Variants in SETBP1 observed in about 807,000 individuals in gnomAD.
SETBP1 encodes the protein SET-binding protein.
Under a neutral mutation model 101.0 loss-of-function variants are expected in SETBP1, and 9 were observed. That is an observed-to-expected ratio of 0.09 (90% CI 0.05 to 0.16). The LOEUF (loss-of-function observed/expected upper bound fraction) is 0.16. SETBP1 is among the 10% of genes least tolerant of loss of function. The pLI is 1.00. For missense variants in SETBP1, 1,858 were observed against 2,033.8 expected (o/e 0.91, Z 1.66); for synonymous variants, 818 against 788.5 (o/e 1.04, Z -0.63).
chr18:44,709,789 A>G (rs1167758902), intron 2 of SETBP1, among the ~76,000 whole-genome samples: 3 of 137,638 alleles, frequency 2.2e-5, no homozygotes, highest in East Asian at 4.3e-4. Flanking sequence ...AGAAACTTCT[A>G]TTAGTTGAGC....
At chr18:44,747,606 CTCTG>C (rs1243504184) in intron 2 of SETBP1, among the ~76,000 whole-genome samples, 1 of 152,208 alleles carries the variant, frequency 6.6e-6, no homozygotes, top group Non-Finnish European at 1.5e-5. Flanking sequence ...ACGCTGATGC[CTCTG>C]TCTGTTTCCT....
chr18:44,856,274 G>A (rs2072975551), intron 2 of SETBP1, among the ~76,000 whole-genome samples: 2 of 152,294 alleles, frequency 1.3e-5, no homozygotes, highest in Non-Finnish European at 1.5e-5. Context: ...CTCAAGCTGA[G>A]CTCCCATCTG....
rs557785068 is a variant in SETBP1 at position 45,002,857 on chromosome 18, A to G, written c.4001-35628A>G. ...AATGTAATCTGAGAAGGGACAGTGTAGACTTGGCTAAAAATGGAAACAGTG... is the reference window on the plus strand; with the variant it reads ...AATGTAATCTGAGAAGGGACAGTGTGGACTTGGCTAAAAATGGAAACAGTG... On this transcript the variant is annotated intron_variant, in intron 4 of 5. Coordinates refer to ENST00000649279, the MANE Select transcript of SETBP1 (RefSeq NM_015559.3). Among the ~76,000 whole-genome samples the G allele has an allele frequency of 5.9e-5, 9 of 152,348 alleles. 1 individual carries two copies. In the South Asian group the frequency reaches 1.9e-3, roughly 32 times the overall value.
In SETBP1 at chr18:45,048,643, C is replaced by T. The variant is rs571416285; in HGVS notation, c.4171+9988C>T. 3.3e-5 allele frequency among the ~76,000 whole-genome samples: 5 copies of T among 152,056 alleles called. No individual in the cohort carries two copies. In the East Asian group the frequency reaches 9.7e-4, roughly 29 times the overall value. ...TCAACCTTTTTTTTTTAAGAACTTG[C>T]CACACTGCACTCAATTCTATGAATG... is the stretch of plus-strand genomic sequence containing the variant. On this transcript the variant is annotated intron_variant, in intron 5 of 5. Coordinates refer to ENST00000649279, the MANE Select transcript of SETBP1 (RefSeq NM_015559.3).
At chr18:44,700,451 T>C (rs2144188753) in intron 1 of SETBP1, among the ~76,000 whole-genome samples, 1 of 152,300 alleles carries the variant, frequency 6.6e-6, no homozygotes, top group Non-Finnish European at 1.5e-5. Flanking sequence ...TAATTGATAA[T>C]GATTAAATTT....
At chr18:45,001,836 C>T (rs983001947) in intron 4 of SETBP1, among the ~76,000 whole-genome samples, 4 of 152,100 alleles carry the variant, frequency 2.6e-5, no homozygotes, top group East Asian at 1.9e-4. Flanking sequence ...CCTTCATGCT[C>T]GGTTAACTCA....
At chr18:44,869,493 C>T (rs958751695) in intron 3 of SETBP1, 8 of 594,920 alleles carry the variant, frequency 1.3e-5, no homozygotes, top group Admixed American at 1.1e-4. Flanking sequence ...TCTGCTCTTT[C>T]GTTCCTAATA....
chr18:44,837,642 C>G (rs1051299275), intron 2 of SETBP1, among the ~76,000 whole-genome samples: 1 of 152,124 alleles, frequency 6.6e-6, no homozygotes, highest in African/African-American at 2.4e-5. Flanking sequence ...GCCTAAGAGG[C>G]GATGCGGTCC....
At chr18:44,916,962 G>A (rs1302503649) in intron 3 of SETBP1, among the ~76,000 whole-genome samples, 1 of 152,224 alleles carries the variant, frequency 6.6e-6, no homozygotes, top group Admixed American at 6.5e-5. Context: ...CCGCTTCCCT[G>A]GTTTCCCAGA....
At chr18:45,023,313 A>G (rs2073105024) in intron 4 of SETBP1, among the ~76,000 whole-genome samples, 1 of 152,222 alleles carries the variant, frequency 6.6e-6, no homozygotes, top group African/African-American at 2.4e-5. Context: ...AATGGAAGGT[A>G]ATATGGGTGA....
upstream of SETBP1, chr18:44,680,490 T>G (rs2068740658): frequency 6.6e-6 from 1 of 151,930 alleles, no homozygotes; most frequent in African/African-American, 2.4e-5. Context: ...GGGCGACGTG[T>G]GTGCCCTGCA....
chr18:44,682,904 G>GGA (rs2068782807), intron 1 of SETBP1, among the ~76,000 whole-genome samples: 2 of 152,042 alleles, frequency 1.3e-5, no homozygotes, highest in African/African-American at 4.8e-5. Flanking sequence ...GCTGAGCTGG[G>GGA]GGAGGAGGTG....
chr18:44,956,901 G>T (rs536034913), intron 4 of SETBP1, among the ~76,000 whole-genome samples: 1 of 152,314 alleles, frequency 6.6e-6, no homozygotes, highest in East Asian at 1.9e-4. Context: ...CATACCTAGG[G>T]CTAGGATGCA....
At chr18:44,739,019 C>T (rs76423685) in intron 2 of SETBP1, among the ~76,000 whole-genome samples, 3,316 of 152,194 alleles carry the variant, frequency 0.022, 132 homozygotes, top group African/African-American at 0.076. Flanking sequence ...TTTTCTTTTT[C>T]AGCTTCTAGA....
At chr18:44,942,144 A>G (rs1325532447) in intron 3 of SETBP1, among the ~76,000 whole-genome samples, 1 of 151,930 alleles carries the variant, frequency 6.6e-6, no homozygotes, top group African/African-American at 2.4e-5. Flanking sequence ...TTAGTGAGGG[A>G]CTCGAGTAGC....
chr18:44,932,378 C>T (rs1349757922), intron 3 of SETBP1, among the ~76,000 whole-genome samples: 1 of 152,228 alleles, frequency 6.6e-6, no homozygotes, highest in Non-Finnish European at 1.5e-5. Flanking sequence ...AACATTATTT[C>T]CTTCATTTCA....
chr18:44,958,884 A>G (rs1693190016), intron 4 of SETBP1, among the ~76,000 whole-genome samples: 1 of 151,920 alleles, frequency 6.6e-6, no homozygotes, highest in South Asian at 2.1e-4. Context: ...ACAATTGCAC[A>G]TACTTATTTT....
intron 3 of SETBP1, among the ~76,000 whole-genome samples, chr18:44,878,725 C>A (rs1251359755): frequency 6.6e-6 from 1 of 152,152 alleles, no homozygotes; most frequent in Non-Finnish European, 1.5e-5. Context: ...TCCAACCCCA[C>A]TACCTGGCTC....
chr18:44,760,158 G>T (rs770407906), intron 2 of SETBP1, among the ~76,000 whole-genome samples: 13 of 152,134 alleles, frequency 8.5e-5, no homozygotes, highest in Non-Finnish European at 1.6e-4. Context: ...GGTAAACACT[G>T]TTGCTGAAAC....
Sources: gnomAD v4.1 joint callset for allele counts (sites outside exome capture counted in the v4.1 genomes callset) on GRCh38, gnomAD v4.1.1 for gene constraint, MANE v1.5 for transcripts, NCBI Gene and HGNC (gene_info 2026-07-23, HGNC 2026-07-21) for gene names.